Variants in TSPAN2 observed in about 807,000 individuals in gnomAD.
The protein encoded by TSPAN2 is tetraspanin 2.
A neutral mutation model predicts 33.3 loss-of-function variants in TSPAN2; 24 were observed. The ratio of observed to expected loss-of-function variants is 0.72; its 90% CI spans 0.52 to 1.01. TSPAN2 has a LOEUF of 1.01. Among genes scored for constraint, TSPAN2 ranks in the 50% least tolerant of loss-of-function variants. The pLI, the probability that TSPAN2 is intolerant of heterozygous loss-of-function variation, is 0.00. For synonymous variants in TSPAN2, 114 were observed against 104.5 expected (o/e 1.09, Z -0.56); for missense variants, 278 against 281.3 (o/e 0.99, Z 0.08).
intron 1 of TSPAN2, among the ~76,000 whole-genome samples, chr1:115,079,165 ACACG>A (rs56002910): frequency 0.11 from 16,859 of 149,996 alleles, 1,016 homozygotes; most frequent in East Asian, 0.21. Context: ...ACACACACAC[ACACG>A]CGCATGCTGC....
chr1:115,088,220 C>T (rs1200456339), intron 1 of TSPAN2, among the ~76,000 whole-genome samples: 3 of 152,166 alleles, frequency 2.0e-5, no homozygotes, highest in Admixed American at 1.3e-4. Flanking sequence ...GGCATCTGGG[C>T]TAATGGATTG....
intron 1 of TSPAN2, among the ~76,000 whole-genome samples, chr1:115,074,704 A>G (rs1182191909): frequency 6.6e-6 from 1 of 152,160 alleles, no homozygotes; most frequent in Non-Finnish European, 1.5e-5. Flanking sequence ...TTCTCTTGTA[A>G]CTTTAAAAAT....
chr1:115,078,943 A>C (rs1201847769), intron 1 of TSPAN2, among the ~76,000 whole-genome samples: 2 of 152,228 alleles, frequency 1.3e-5, no homozygotes, highest in African/African-American at 4.8e-5. Flanking sequence ...GAATATGCTC[A>C]GCAAAACACA....
At chr1:115,054,760 G>A (rs1199837062) in intron 6 of TSPAN2, among the ~76,000 whole-genome samples, 2 of 152,126 alleles carry the variant, frequency 1.3e-5, no homozygotes, top group African/African-American at 2.4e-5. Context: ...GCCGAGATGC[G>A]TGGATCACCT....
At chr1:115,072,788 C>A in intron 2 of TSPAN2, 117 bp downstream of exon 2, 1 of 872,728 alleles carries the variant, frequency 1.1e-6, no homozygotes, top group Non-Finnish European at 1.8e-6. Flanking sequence ...CTTTCAGCGT[C>A]TTTCCCTGCC....
chr1:115,048,971 T>G lies in TSPAN2; in HGVS notation c.*1519A>C, dbSNP rs758686953. On this transcript the variant is annotated 3_prime_UTR_variant, in exon 8 of 8. Coordinates refer to ENST00000369516, the MANE Select transcript of TSPAN2 (RefSeq NM_005725.6). ...AGTCATATCTTTTTAGCAAAATGTTTTGTGAGTTTTTTGGGAGTGTGACAC... is the reference window on the plus strand; with the variant it reads ...AGTCATATCTTTTTAGCAAAATGTTGTGTGAGTTTTTTGGGAGTGTGACAC... 1.6e-4 allele frequency: 24 copies of G among 152,108 alleles called. No homozygotes were observed. Among genetic ancestry groups the G allele is most frequent in the Non-Finnish European group, 2.6e-4 (18 of 67,954 alleles). The allele number at this position is 152,108 out of a possible 1,614,324, so 9.4% of individuals were successfully genotyped here. A position where few individuals can be genotyped will look rare whatever the true frequency, so the allele number is the denominator to read the frequency against.
intron 2 of TSPAN2, among the ~76,000 whole-genome samples, chr1:115,072,217 C>A (rs1648207424): frequency 6.6e-6 from 1 of 152,070 alleles, no homozygotes; most frequent in East Asian, 1.9e-4. Context: ...AGGCTGCACC[C>A]CACCCCACAC....
chr1:115,050,457 G>A lies in TSPAN2; in HGVS notation c.*33C>T. 1.3e-6 allele frequency: 2 copies of A among 1,594,340 alleles called. No homozygotes were observed. The highest frequency in any genetic ancestry group is 8.6e-7 in the Non-Finnish European group (1 of 1,162,092). ...AGCTCCTGTGACATTTGGTATGAAA[G>A]CTTTAGATTGCAATTTTCATGTAGA... On this transcript the variant is annotated 3_prime_UTR_variant, in exon 8 of 8. Transcript: ENST00000369516.
intron 2 of TSPAN2, among the ~76,000 whole-genome samples, chr1:115,067,143 G>C (rs774323105): frequency 2.0e-5 from 3 of 152,198 alleles, no homozygotes; most frequent in Non-Finnish European, 4.4e-5. Context: ...AATTGGAACT[G>C]AACCTAGGGG....
intron 6 of TSPAN2, among the ~76,000 whole-genome samples, chr1:115,056,067 A>G (rs1043482601): frequency 1.3e-5 from 2 of 152,180 alleles, no homozygotes; most frequent in Non-Finnish European, 1.5e-5. Flanking sequence ...ACTGACCTTT[A>G]AAACTATTTA....
chr1:115,089,228 C>T lies in TSPAN2; in HGVS notation c.69+136G>A, dbSNP rs1029447828. The T allele has an allele frequency of 3.1e-5, 19 of 616,026 alleles. No individual in the cohort carries two copies. The African/African-American group carries it at 3.5e-4, about 11-fold the overall frequency. 38.2% of individuals were successfully genotyped at this position (616,026 alleles called of 1,614,324 possible). ...CCCCTCCCTCTTTGTTTGCCTTCTC[C>T]TCGCCTCCGCGTTTGAGCACCCAGC... On this transcript the variant is annotated intron_variant, in intron 1 of 7. Coordinates refer to ENST00000369516, the MANE Select transcript of TSPAN2 (RefSeq NM_005725.6).
chr1:115,058,819 G>T, intron 5 of TSPAN2, 64 bp downstream of exon 5: 2 of 1,329,974 alleles, frequency 1.5e-6, no homozygotes, highest in Non-Finnish European at 1.1e-6. Flanking sequence ...GGTGATTGGT[G>T]AGAACCTGGC....
At chr1:115,054,178 G>T (rs952876120) in intron 6 of TSPAN2, among the ~76,000 whole-genome samples, 3 of 152,246 alleles carry the variant, frequency 2.0e-5, no homozygotes, top group East Asian at 3.9e-4. Flanking sequence ...CTCCTATTTG[G>T]AGTGCTCTTA....
chr1:115,062,063 G>T, intron 3 of TSPAN2, 72 bp downstream of exon 3: 1 of 1,309,188 alleles, frequency 7.6e-7, no homozygotes, highest in Non-Finnish European at 1.1e-6. Flanking sequence ...AGGGGCCAGA[G>T]GCACTGACTC....
At chr1:115,055,130 C>T (rs1439786508) in intron 6 of TSPAN2, among the ~76,000 whole-genome samples, 1 of 152,144 alleles carries the variant, frequency 6.6e-6, no homozygotes, top group Non-Finnish European at 1.5e-5. Flanking sequence ...ATTGACATTT[C>T]TACTTATCCT....
intron 7 of TSPAN2, among the ~76,000 whole-genome samples, chr1:115,051,429 T>C (rs1675312177): frequency 6.6e-6 from 1 of 152,232 alleles, no homozygotes; most frequent in South Asian, 2.1e-4. Flanking sequence ...TATGGTATTA[T>C]TGACTTTTAC....
At chr1:115,058,601 T>A (rs903428385) in intron 5 of TSPAN2, among the ~76,000 whole-genome samples, 2 of 152,228 alleles carry the variant, frequency 1.3e-5, no homozygotes, top group African/African-American at 2.4e-5. Context: ...TTATCTGGGC[T>A]CCTTTCTCTG....
In TSPAN2 at chr1:115,055,227, C is replaced by A. The variant is rs534021026; in HGVS notation, c.517-1765G>T. Among the ~76,000 whole-genome samples the A allele has an allele frequency of 7.9e-5, 12 of 152,262 alleles. No individual in the cohort carries two copies. In the East Asian group the frequency reaches 2.1e-3, roughly 27 times the overall value. ...AGTTCTGCCATTAGGCCCTCCTTCC[C>A]TTCATTGCCAGCTTCTTTTTGTAAA... On this transcript the variant is annotated intron_variant, in intron 6 of 7. Coordinates refer to ENST00000369516, the MANE Select transcript of TSPAN2 (RefSeq NM_005725.6).
intron 1 of TSPAN2, among the ~76,000 whole-genome samples, chr1:115,083,270 C>T (rs1357292031): frequency 6.6e-6 from 1 of 152,192 alleles, no homozygotes; most frequent in African/African-American, 2.4e-5. Context: ...TTTTGTCACA[C>T]ATGGTTGGAG....
Sources: gnomAD v4.1 joint callset for allele counts (sites outside exome capture counted in the v4.1 genomes callset) on GRCh38, gnomAD v4.1.1 for gene constraint, MANE v1.5 for transcripts, NCBI Gene and HGNC (gene_info 2026-07-23, HGNC 2026-07-21) for gene names.